KHDRBS2: variants seen among roughly 807,000 people sequenced by gnomAD.
KHDRBS2 encodes the protein KH domain-containing, RNA-binding, signal transduction-associated protein 2.
Under a neutral mutation model 44.3 loss-of-function variants are expected in KHDRBS2, and 26 were observed. The observed-to-expected ratio is 0.59, with a 90% CI of 0.43 to 0.81. The LOEUF is 0.81. KHDRBS2 is among the 40% of genes least tolerant of loss of function. KHDRBS2 has a pLI of 0.00. For missense variants in KHDRBS2, 476 were observed against 433.1 expected, an observed-to-expected ratio of 1.10 and a Z score of -0.88; for synonymous variants, 194 against 151.1, an observed-to-expected ratio of 1.28 and a Z score of -2.08.
chr6:61,715,563 G>T (rs1440355806), intron 7 of KHDRBS2, among the ~76,000 whole-genome samples: 2 of 151,912 alleles, frequency 1.3e-5, no homozygotes, highest in East Asian at 3.9e-4. Context: ...TACAATCTCA[G>T]CCTGGCATCA....
intron 7 of KHDRBS2, among the ~76,000 whole-genome samples, chr6:61,725,733 G>T (rs554682505): frequency 6.6e-6 from 1 of 151,996 alleles, no homozygotes; most frequent in African/African-American, 2.4e-5. Flanking sequence ...GCCTTCATAA[G>T]ACTAAGCTAG....
chr6:61,751,722 T>C (rs1414217764), intron 6 of KHDRBS2, among the ~76,000 whole-genome samples: 2 of 152,166 alleles, frequency 1.3e-5, no homozygotes, highest in Non-Finnish European at 2.9e-5. Flanking sequence ...CTAGAGAAAG[T>C]ATTAATTTCC....
intron 6 of KHDRBS2, among the ~76,000 whole-genome samples, chr6:61,777,003 C>T (rs745471608): frequency 1.9e-4 from 29 of 151,978 alleles, no homozygotes; most frequent in Non-Finnish European, 3.5e-4. Flanking sequence ...ATGGACGAAA[C>T]TGGAAACCGT....
At chr6:62,030,819 C>T (rs1784210266) in intron 3 of KHDRBS2, among the ~76,000 whole-genome samples, 1 of 151,932 alleles carries the variant, frequency 6.6e-6, no homozygotes, top group African/African-American at 2.4e-5. Flanking sequence ...AACATATGTC[C>T]ACACAAAGAC....
At chr6:62,270,524 C>T (rs552857015) in intron 1 of KHDRBS2, among the ~76,000 whole-genome samples, 7 of 151,824 alleles carry the variant, frequency 4.6e-5, no homozygotes, top group South Asian at 2.1e-4. Flanking sequence ...TCCTTTATAA[C>T]AATACAAAAA....
the KHDRBS2 span, among the ~76,000 whole-genome samples, chr6:61,631,934 T>A: frequency 6.6e-6 from 1 of 152,252 alleles, no homozygotes; most frequent in African/African-American, 2.4e-5. Flanking sequence ...TGATAACTGG[T>A]TCAAAGACTA....
chr6:61,996,932 GC>G (rs1777304932), intron 3 of KHDRBS2, among the ~76,000 whole-genome samples: 1 of 151,864 alleles, frequency 6.6e-6, no homozygotes, highest in Non-Finnish European at 1.5e-5. Context: ...ACAAGTGCCT[GC>G]CACTATGCCT....
At chr6:62,087,361 A>G (rs1262157034) in intron 2 of KHDRBS2, among the ~76,000 whole-genome samples, 3 of 152,128 alleles carry the variant, frequency 2.0e-5, no homozygotes, top group African/African-American at 4.8e-5. Flanking sequence ...GATCTAAAAA[A>G]TTAGATTTTA....
chr6:62,206,902 A>G (rs1006855832), intron 1 of KHDRBS2, among the ~76,000 whole-genome samples: 14 of 152,234 alleles, frequency 9.2e-5, no homozygotes, highest in Middle Eastern at 3.4e-3. Context: ...TTTTAACTTG[A>G]AATTTCAATC....
At chr6:62,172,557 T>C (rs940158387) in intron 2 of KHDRBS2, among the ~76,000 whole-genome samples, 3 of 151,910 alleles carry the variant, frequency 2.0e-5, no homozygotes, top group Non-Finnish European at 4.4e-5. Flanking sequence ...ATTCAGAACC[T>C]GAACTCAACA....
At chr6:62,106,660 T>C (rs1321277482) in intron 2 of KHDRBS2, among the ~76,000 whole-genome samples, 1 of 152,030 alleles carries the variant, frequency 6.6e-6, no homozygotes, top group African/African-American at 2.4e-5. Context: ...TTTAGACCAA[T>C]ATCCTTGATG....
chr6:61,775,982 T>C (rs1419082773), intron 6 of KHDRBS2, among the ~76,000 whole-genome samples: 1 of 152,030 alleles, frequency 6.6e-6, no homozygotes, highest in Non-Finnish European at 1.5e-5. Flanking sequence ...TCAGAAATAA[T>C]GCTGCATATC....
intron 4 of KHDRBS2, among the ~76,000 whole-genome samples, chr6:61,932,108 G>C (rs1810170192): frequency 6.6e-6 from 1 of 152,028 alleles, no homozygotes. Context: ...CTAATAGTAG[G>C]CTATTTGTAG....
At chr6:62,036,136 T>C (rs2127295930) in intron 3 of KHDRBS2, among the ~76,000 whole-genome samples, 1 of 152,040 alleles carries the variant, frequency 6.6e-6, no homozygotes, top group East Asian at 2.0e-4. Context: ...TGTACCTCAC[T>C]ATTTGCAGAG....
chr6:61,607,876 T>C, the KHDRBS2 span, among the ~76,000 whole-genome samples: 6 of 151,982 alleles, frequency 3.9e-5, no homozygotes, highest in Non-Finnish European at 5.9e-5. Flanking sequence ...TTAGTAGAGA[T>C]TGGGTTTCAC....
At chr6:62,135,726 C>T (rs771881552) in intron 2 of KHDRBS2, among the ~76,000 whole-genome samples, 1 of 151,920 alleles carries the variant, frequency 6.6e-6, no homozygotes, top group Non-Finnish European at 1.5e-5. Context: ...TACAATGGAA[C>T]ATTATACAGC....
chr6:61,986,777 G>C (rs1775130348), intron 3 of KHDRBS2, among the ~76,000 whole-genome samples: 4 of 152,158 alleles, frequency 2.6e-5, no homozygotes. Flanking sequence ...ACACATGGCA[G>C]AAGAGAGAGG....
chr6:62,053,959 G>A (rs1789682276), intron 2 of KHDRBS2, among the ~76,000 whole-genome samples: 2 of 151,880 alleles, frequency 1.3e-5, no homozygotes, highest in Non-Finnish European at 2.9e-5. Flanking sequence ...ATTTATATAG[G>A]AATTTTAAAA....
intron 6 of KHDRBS2, among the ~76,000 whole-genome samples, chr6:61,777,552 A>G (rs537870271): frequency 6.6e-6 from 1 of 152,128 alleles, no homozygotes; most frequent in African/African-American, 2.4e-5. Context: ...AACTCATTCT[A>G]TTCCTCATTT....
Sources: allele counts gnomAD v4.1 joint callset (sites outside exome capture counted in the v4.1 genomes callset), GRCh38; gene constraint gnomAD v4.1.1; transcripts MANE v1.5; gene names NCBI Gene and HGNC (gene_info 2026-07-23, HGNC 2026-07-21).